Variants in SLIT3 observed in about 807,000 individuals in gnomAD.
SLIT3 encodes slit homolog 3 protein.
A neutral mutation model predicts 184.0 loss-of-function variants in SLIT3; 68 were observed. The observed-to-expected ratio is 0.37, with a 90% CI of 0.30 to 0.45. The LOEUF (loss-of-function observed/expected upper bound fraction) is 0.45. Among genes scored for constraint, SLIT3 ranks in the 20% least tolerant of loss-of-function variants. The pLI is 1.00. For synonymous variants in SLIT3, 831 were observed against 828.6 expected (o/e 1.00, Z -0.05); for missense variants, 1,707 against 2,026.0 (o/e 0.84, Z 3.02).
chr5:169,146,202 C>G (rs1253088356), intron 4 of SLIT3, among the ~76,000 whole-genome samples: 1 of 152,242 alleles, frequency 6.6e-6, no homozygotes, highest in Non-Finnish European at 1.5e-5. Flanking sequence ...AGTCACTTCT[C>G]TAAGGATATG....
intron 4 of SLIT3, among the ~76,000 whole-genome samples, chr5:168,998,328 TTTAG>T (rs1446539081): frequency 2.6e-5 from 4 of 152,326 alleles, no homozygotes; most frequent in Non-Finnish European, 4.4e-5. Context: ...TTGTAGGTAT[TTTAG>T]TTAAACATCC....
chr5:168,891,604 C>T (rs1348587912), intron 4 of SLIT3, among the ~76,000 whole-genome samples: 1 of 152,122 alleles, frequency 6.6e-6, no homozygotes, highest in African/African-American at 2.4e-5. Flanking sequence ...GAGAAACAGT[C>T]CTGGAGCTGT....
intron 3 of SLIT3, among the ~76,000 whole-genome samples, chr5:169,193,781 C>T (rs182511167): frequency 1.3e-5 from 2 of 152,302 alleles, no homozygotes; most frequent in African/African-American, 4.8e-5. Context: ...ACAGCACATG[C>T]GCTGTGCTGC....
intron 4 of SLIT3, among the ~76,000 whole-genome samples, chr5:168,899,810 G>A (rs986384294): frequency 7.6e-6 from 1 of 131,330 alleles, no homozygotes; most frequent in Non-Finnish European, 1.7e-5. Flanking sequence ...CCCCTAAGAT[G>A]ACAGGAAGCA....
At chr5:168,857,964 G>A (rs894735055) in intron 5 of SLIT3, among the ~76,000 whole-genome samples, 1 of 152,204 alleles carries the variant, frequency 6.6e-6, no homozygotes, top group Non-Finnish European at 1.5e-5. Flanking sequence ...TCGGGCCACC[G>A]GGGATCCTTC....
rs185142699 is a variant in SLIT3, at chr5:169,099,239, G to A, written c.413+94240C>T. 6.0e-4 allele frequency among the ~76,000 whole-genome samples: 91 copies of A among 152,282 alleles called. 1 individual carries two copies. Among genetic ancestry groups the A allele is most frequent in the African/African-American group, 2.1e-3 (87 of 41,548 alleles). On this transcript the variant is annotated intron_variant, in intron 4 of 35. Transcript: ENST00000519560. The stretch of plus-strand genomic sequence containing the variant: ...CTCAGGTTACGGTTTGTGTTGGCAT[G>A]AAATAGGCGATTTGCAGGCACAGAA...
At chr5:169,136,415 C>A (rs1761503805) in intron 4 of SLIT3, among the ~76,000 whole-genome samples, 1 of 152,200 alleles carries the variant, frequency 6.6e-6, no homozygotes, top group African/African-American at 2.4e-5. Context: ...AGGACTCCTG[C>A]CACTAAGCAC....
intron 5 of SLIT3, among the ~76,000 whole-genome samples, chr5:168,865,173 CAAAAAAAAA>C (rs70979103): frequency 8.9e-5 from 5 of 56,298 alleles, no homozygotes; most frequent in Admixed American, 4.3e-4. Context: ...AACTCCGTCT[CAAAAAAAAA>C]AAAAAAAAAA....
intron 4 of SLIT3, among the ~76,000 whole-genome samples, chr5:169,112,026 A>T (rs1206320683): frequency 1.3e-5 from 2 of 152,228 alleles, no homozygotes; most frequent in Non-Finnish European, 2.9e-5. Context: ...GTCCAGAGCA[A>T]ATGAGGGAGT....
At chr5:168,886,271 G>A (rs1298119132) in intron 4 of SLIT3, among the ~76,000 whole-genome samples, 2 of 152,188 alleles carry the variant, frequency 1.3e-5, no homozygotes, top group African/African-American at 2.4e-5. Flanking sequence ...CTGACAAACT[G>A]ACAGCTTCAA....
chr5:169,020,076 G>A (rs186136921), intron 4 of SLIT3, among the ~76,000 whole-genome samples: 8 of 152,200 alleles, frequency 5.3e-5, no homozygotes, highest in African/African-American at 1.9e-4. Flanking sequence ...TTTACATATC[G>A]TCTGTGGTTA....
intron 4 of SLIT3, among the ~76,000 whole-genome samples, chr5:168,933,762 G>A (rs760265578): frequency 3.3e-5 from 5 of 152,178 alleles, no homozygotes; most frequent in Non-Finnish European, 7.3e-5. Context: ...GACCCTGGAG[G>A]TCGTCAAAGG....
chr5:168,963,499 A>G (rs1763082967), intron 4 of SLIT3, among the ~76,000 whole-genome samples: 1 of 152,232 alleles, frequency 6.6e-6, no homozygotes, highest in South Asian at 2.1e-4. Flanking sequence ...CAGAGTGTCT[A>G]TGGCTGCTTT....
intron 4 of SLIT3, among the ~76,000 whole-genome samples, chr5:169,118,006 C>T (rs1760748733): frequency 6.6e-6 from 1 of 152,158 alleles, no homozygotes; most frequent in Non-Finnish European, 1.5e-5. Context: ...CTTTTGCCTT[C>T]CCACTTGAAT....
intron 16 of SLIT3, among the ~76,000 whole-genome samples, chr5:168,756,401 C>T (rs373881074): frequency 3.3e-5 from 5 of 152,334 alleles, no homozygotes; most frequent in South Asian, 2.1e-4. Flanking sequence ...GCCATGCCTG[C>T]GCTTGTGGGC....
chr5:169,011,654 G>C (rs1756158549), intron 4 of SLIT3, among the ~76,000 whole-genome samples: 1 of 152,182 alleles, frequency 6.6e-6, no homozygotes, highest in Non-Finnish European at 1.5e-5. Context: ...CTCTGTCAGA[G>C]CTCAGGGTTT....
chr5:168,939,187 G>A (rs760160990), intron 4 of SLIT3, among the ~76,000 whole-genome samples: 6 of 152,326 alleles, frequency 3.9e-5, no homozygotes, highest in South Asian at 2.1e-4. Flanking sequence ...GGCAACTTAC[G>A]TAGCTGCGCT....
chr5:168,797,253 A>G (rs1266032255), intron 9 of SLIT3, among the ~76,000 whole-genome samples: 4 of 152,084 alleles, frequency 2.6e-5, no homozygotes, highest in Admixed American at 6.6e-5. Context: ...AGCTGAGCAT[A>G]GAGTTCAGCA....
At chr5:169,125,022 AT>A (rs975648168) in intron 4 of SLIT3, among the ~76,000 whole-genome samples, 3 of 151,416 alleles carry the variant, frequency 2.0e-5, no homozygotes, top group Middle Eastern at 3.4e-3. Context: ...TTCTGTTTTT[AT>A]TTTTTTGTTT....
Sources: allele counts gnomAD v4.1 joint callset (sites outside exome capture counted in the v4.1 genomes callset), GRCh38; gene constraint gnomAD v4.1.1; transcripts MANE v1.5; gene names NCBI Gene and HGNC (gene_info 2026-07-23, HGNC 2026-07-21).